Variants in FAM53A observed in about 807,000 individuals in gnomAD.
FAM53A encodes protein FAM53A.
In FAM53A, 28 loss-of-function variants were observed where a neutral mutation model predicts 26.6. The observed-to-expected ratio is 1.05, with a 90% confidence interval of 0.78 to 1.45. The LOEUF is 1.45. Ranked by LOEUF, FAM53A falls within the 40% of genes most tolerant of loss-of-function variation. The pLI is 0.00. For synonymous variants in FAM53A, 290 were observed against 253.1 expected (o/e 1.15, Z -1.38); for missense variants, 650 against 575.8 (o/e 1.13, Z -1.32).
chr4:1,663,010 C>T (rs1713955016), intron 2 of FAM53A, among the ~76,000 whole-genome samples: 4 of 141,388 alleles, frequency 2.8e-5, no homozygotes, highest in South Asian at 4.8e-4. Context: ...CTTGCCAACA[C>T]GGTGAAACCC....
the FAM53A span, among the ~76,000 whole-genome samples, chr4:1,582,332 T>A: frequency 1.3e-5 from 2 of 152,174 alleles, no homozygotes; most frequent in Non-Finnish European, 2.9e-5. Flanking sequence ...GTCCACGGCG[T>A]TCCTCCTGGA....
the FAM53A span, among the ~76,000 whole-genome samples, chr4:1,602,619 TG>T: frequency 1.3e-5 from 2 of 151,914 alleles, no homozygotes; most frequent in Admixed American, 6.5e-5. Flanking sequence ...GCTTCAAAGC[TG>T]GGGGGAGAGA....
chr4:1,639,222 C>T (rs912621332), downstream of FAM53A, among the ~76,000 whole-genome samples: 2 of 152,190 alleles, frequency 1.3e-5, no homozygotes, highest in African/African-American at 2.4e-5. Context: ...CCACAGCCAG[C>T]CTCTGACCTG....
intron 4 of FAM53A, among the ~76,000 whole-genome samples, chr4:1,642,538 A>T (rs145499679): frequency 1.3e-5 from 2 of 152,160 alleles, no homozygotes; most frequent in African/African-American, 4.8e-5. Context: ...TGAGCTGCAA[A>T]CAGTCTCCAT....
intron 4 of FAM53A, 137 bp from the exon 5 acceptor site, chr4:1,641,744 C>T: frequency 1.2e-6 from 1 of 839,182 alleles, no homozygotes; most frequent in Non-Finnish European, 1.9e-6. Context: ...GCCTTGGTCC[C>T]CTGTACACCA....
intron 1 of FAM53A, among the ~76,000 whole-genome samples, chr4:1,629,414 T>G (rs1000526416): frequency 1.3e-5 from 2 of 152,180 alleles, no homozygotes; most frequent in Non-Finnish European, 2.9e-5. Flanking sequence ...TCAGGACCCC[T>G]CTAGGGTGGC....
the FAM53A span, among the ~76,000 whole-genome samples, chr4:1,603,731 G>T: frequency 9.1e-4 from 138 of 152,356 alleles, no homozygotes; most frequent in African/African-American, 3.1e-3. Flanking sequence ...AGCCCCTCGG[G>T]ACGTGCTGAA....
chr4:1,662,958 G>C (rs1369288355), intron 2 of FAM53A, among the ~76,000 whole-genome samples: 1 of 152,170 alleles, frequency 6.6e-6, no homozygotes, highest in African/African-American at 2.4e-5. Flanking sequence ...ACTCTGGGGG[G>C]CCGAGGCAGG....
the FAM53A span, chr4:1,574,353 C>T: frequency 1.3e-5 from 2 of 152,504 alleles, no homozygotes; most frequent in Admixed American, 1.3e-4. Context: ...CCAGTCAGGG[C>T]TGGTCTTGGG....
chr4:1,658,495 T>C (rs937035319), intron 2 of FAM53A, among the ~76,000 whole-genome samples: 1 of 150,302 alleles, frequency 6.7e-6, no homozygotes, highest in African/African-American at 2.5e-5. Context: ...CTGCAACAGC[T>C]CAGACACGGG....
chr4:1,635,836 C>CTTTTT (rs141715501), downstream of FAM53A, among the ~76,000 whole-genome samples: 56 of 81,520 alleles, frequency 6.9e-4, no homozygotes, highest in East Asian at 7.9e-4. Context: ...AATACTAATT[C>CTTTTT]TTTTTTTTTT....
At chr4:1,634,649 G>A (rs1317300799) in intron 1 of FAM53A, among the ~76,000 whole-genome samples, 1 of 152,170 alleles carries the variant, frequency 6.6e-6, no homozygotes, top group East Asian at 1.9e-4. Context: ...TGTAATACCA[G>A]AACTTTGGGA....
At chr4:1,634,535 C>T (rs1228307737) in intron 1 of FAM53A, among the ~76,000 whole-genome samples, 2 of 152,048 alleles carry the variant, frequency 1.3e-5, no homozygotes, top group Non-Finnish European at 2.9e-5. Context: ...TCTTTTTTTT[C>T]CATTCTCTGA....
the FAM53A span, among the ~76,000 whole-genome samples, chr4:1,578,146 C>G: frequency 1.3e-5 from 2 of 152,156 alleles, no homozygotes; most frequent in African/African-American, 2.4e-5. Context: ...CAGGCCCCCC[C>G]CAAGCCTGGA....
At chr4:1,658,312 G>A (rs534048242) in intron 2 of FAM53A, among the ~76,000 whole-genome samples, 77 of 152,308 alleles carry the variant, frequency 5.1e-4, no homozygotes, top group African/African-American at 1.8e-3. Flanking sequence ...GAGCCACCAC[G>A]CCCGGCCTCA....
downstream of FAM53A, among the ~76,000 whole-genome samples, chr4:1,613,939 G>A (rs889538380): frequency 1.3e-5 from 2 of 152,230 alleles, no homozygotes; most frequent in African/African-American, 4.8e-5. Flanking sequence ...GATCACATCA[G>A]CAGGCTTCAG....
In FAM53A at chr4:1,655,419, T is replaced by C. The variant is rs755297953; in HGVS notation, c.441A>G (p.Pro147=). 6.7e-7 allele frequency: 1 copy of C among 1,491,366 alleles called. No individual in the cohort carries two copies. The highest frequency in any genetic ancestry group is 2.5e-5 in the East Asian group (1 of 40,734). The allele number at this position is 1,491,366 out of a possible 1,614,324, so 92.4% of individuals were successfully genotyped here. A position where few individuals can be genotyped will look rare whatever the true frequency, so the allele number is the denominator to read the frequency against. The part of the protein sequence containing the change: ...WRPGSSKVWT[P]VSKRRCDSGG... ...CGCTGTCGCACCGCCTCTTGGAGAC[T>C]GGAGTCCAGACCTTGGAGCTGCCGG... Residue 147 remains proline (P), a synonymous_variant, in exon 4 of 5, where the codon CCA becomes CCG. Coordinates refer to ENST00000308132, the MANE Select transcript of FAM53A (RefSeq NM_001174070.3).
Position 1,641,019 on chromosome 4 carries a change from C to G in FAM53A, c.*274G>C, listed in dbSNP as rs1711641618. 3 of 445,366 alleles carry G rather than the reference C, an allele frequency of 6.7e-6. No individual in the cohort carries two copies. Among genetic ancestry groups the G allele is most frequent in the South Asian group, 6.7e-5 (3 of 44,844 alleles). 27.6% of individuals were successfully genotyped at this position (445,366 alleles called of 1,614,324 possible). On this transcript the variant is annotated 3_prime_UTR_variant, in exon 5 of 5. Transcript: ENST00000308132. ...TGTGCCCCAGGGCAGGTGCCGGTGG[C>G]AGCCGTGGCCCCGACCAGCTCACAG...
intron 1 of FAM53A, among the ~76,000 whole-genome samples, chr4:1,619,786 G>A (rs1714948752): frequency 6.6e-6 from 1 of 152,228 alleles, no homozygotes; most frequent in African/African-American, 2.4e-5. Context: ...CACACGCAAA[G>A]CCCTGTCCTG....
Sources: gnomAD v4.1 joint callset for allele counts (sites outside exome capture counted in the v4.1 genomes callset) on GRCh38, gnomAD v4.1.1 for gene constraint, MANE v1.5 for transcripts, NCBI Gene and HGNC (gene_info 2026-07-23, HGNC 2026-07-21) for gene names.